Variants in TCF7L2 observed in about 807,000 individuals in gnomAD.
TCF7L2 encodes transcription factor 7 like 2.
TCF7L2 carries 23 observed loss-of-function variants against 77.9 expected under a neutral mutation model. The ratio of observed to expected loss-of-function variants is 0.30; its 90% confidence interval spans 0.21 to 0.42. TCF7L2 has a LOEUF of 0.42. Ranked by LOEUF, TCF7L2 falls within the 10% of genes least tolerant of loss-of-function variation. TCF7L2 has a pLI of 1.00. For missense variants in TCF7L2, 654 were observed against 793.1 expected (o/e 0.82, Z 2.11); for synonymous variants, 413 against 340.2 (o/e 1.21, Z -2.36).
At chr10:113,038,259 A>C (rs934754189) in intron 4 of TCF7L2, among the ~76,000 whole-genome samples, 1 of 152,164 alleles carries the variant, frequency 6.6e-6, no homozygotes, top group Non-Finnish European at 1.5e-5. Flanking sequence ...CAGATGAAAA[A>C]AACAGAGATC....
intron 3 of TCF7L2, among the ~76,000 whole-genome samples, chr10:112,958,522 C>T (rs987690465): frequency 2.0e-5 from 3 of 151,910 alleles, no homozygotes; most frequent in African/African-American, 7.3e-5. Context: ...AAGACCTCTC[C>T]CATCCCAACA....
chr10:112,955,990 C>A (rs373754328), intron 3 of TCF7L2, among the ~76,000 whole-genome samples: 5 of 152,130 alleles, frequency 3.3e-5, no homozygotes, highest in African/African-American at 1.2e-4. Flanking sequence ...GCCTAGATTT[C>A]TCGGTGGAGA....
chr10:113,080,743 G>GA (rs1385817385), intron 5 of TCF7L2, among the ~76,000 whole-genome samples: 1 of 152,150 alleles, frequency 6.6e-6, no homozygotes. Flanking sequence ...AAGCACCCGA[G>GA]AAGGTTTAAA....
Position 112,964,571 on chromosome 10 carries a change from G to A in TCF7L2, c.397G>A (p.Gly133Ser), listed in dbSNP as rs368705098. 41 of 1,613,102 alleles carry A rather than the reference G, an allele frequency of 2.5e-5. No individual in the cohort carries two copies. Among genetic ancestry groups the A allele is most frequent in the Non-Finnish European group, 3.3e-5 (39 of 1,179,404 alleles). The change falls in exon 4 of 14, where the codon GGC becomes AGC. Residue 133 changes from glycine to serine, a missense_variant. This residue lies in a region of TCF7L2 where 132 missense variants were observed against 123.7 expected (regional missense o/e 1.07). Transcript: ENST00000627217. ...CTTTCTACAGCTCCATTTTCAGTCC[G>A]GCAGCACACATTACTCTGCGTACAA...
chr10:113,158,625 A>G, intron 12 of TCF7L2, 42 bp from the exon 13 acceptor site: 2 of 1,610,494 alleles, frequency 1.2e-6, no homozygotes, highest in South Asian at 1.1e-5. Flanking sequence ...CAAACAAAAC[A>G]AAAATTTTGA....
intron 5 of TCF7L2, among the ~76,000 whole-genome samples, chr10:113,078,346 G>C (rs1196999981): frequency 6.6e-6 from 1 of 152,128 alleles, no homozygotes. Context: ...TGGTCCCCCT[G>C]AGACACTAAA....
intron 4 of TCF7L2, among the ~76,000 whole-genome samples, chr10:113,029,176 T>C (rs1355854538): frequency 1.3e-5 from 2 of 152,320 alleles, no homozygotes; most frequent in East Asian, 1.9e-4. Flanking sequence ...GAATGGACTC[T>C]AAGATTCAGG....
At chr10:113,090,712 C>T (rs181209286) in intron 5 of TCF7L2, among the ~76,000 whole-genome samples, 3 of 152,318 alleles carry the variant, frequency 2.0e-5, no homozygotes, top group Admixed American at 6.5e-5. Flanking sequence ...CGGTTTCAAG[C>T]GATTCGCCTG....
At chr10:113,031,385 T>A (rs1045463291) in intron 4 of TCF7L2, among the ~76,000 whole-genome samples, 1 of 152,078 alleles carries the variant, frequency 6.6e-6, no homozygotes, top group East Asian at 1.9e-4. Flanking sequence ...TACGTACAGA[T>A]CCTGGGCCAC....
intron 4 of TCF7L2, among the ~76,000 whole-genome samples, chr10:112,969,471 A>T (rs193267753): frequency 3.0e-4 from 45 of 152,312 alleles, no homozygotes; most frequent in Non-Finnish European, 8.8e-5. Context: ...TTTTGGGGAA[A>T]CATATATTTC....
At chr10:112,991,913 T>C (rs1348315043) in intron 4 of TCF7L2, among the ~76,000 whole-genome samples, 1 of 152,172 alleles carries the variant, frequency 6.6e-6, no homozygotes, top group African/African-American at 2.4e-5. Flanking sequence ...GAGGTGGCTG[T>C]TGGGGCCGGG....
chr10:112,951,097 C>A, intron 1 of TCF7L2, 110 bp from the exon 2 acceptor site: 2 of 1,310,272 alleles, frequency 1.5e-6, no homozygotes, highest in Non-Finnish European at 2.1e-6. Context: ...AACTTGTAAC[C>A]CTGTTTTTTT....
chr10:112,985,199 T>C (rs1226678504), intron 4 of TCF7L2, among the ~76,000 whole-genome samples: 1 of 152,206 alleles, frequency 6.6e-6, no homozygotes, highest in Non-Finnish European at 1.5e-5. Flanking sequence ...TTGGTTCCTT[T>C]CACTTCTAGG....
intron 5 of TCF7L2, among the ~76,000 whole-genome samples, chr10:113,060,813 C>T (rs1019465296): frequency 7.2e-5 from 11 of 152,128 alleles, no homozygotes; most frequent in Admixed American, 2.6e-4. Flanking sequence ...GAGAAGACGC[C>T]GCCCAGAATG....
At chr10:112,964,734 T>C (rs1219785318) in intron 4 of TCF7L2, 110 bp downstream of exon 4, 1 of 878,028 alleles carries the variant, frequency 1.1e-6, no homozygotes, top group African/African-American at 1.9e-5. Context: ...ATGATGATGA[T>C]GATGATGGTG....
chr10:113,104,339 G>A (rs1245944923), intron 5 of TCF7L2, among the ~76,000 whole-genome samples: 1 of 152,142 alleles, frequency 6.6e-6, no homozygotes, highest in Non-Finnish European at 1.5e-5. Flanking sequence ...TAAATTTATG[G>A]GTTGTTGGCA....
chr10:113,062,024 A>T (rs1442629927), intron 5 of TCF7L2, among the ~76,000 whole-genome samples: 1 of 152,186 alleles, frequency 6.6e-6, no homozygotes, highest in Non-Finnish European at 1.5e-5. Flanking sequence ...GGCGATTTTC[A>T]TTAAAGTTTT....
At chr10:113,036,855 GT>G (rs1454699446) in intron 4 of TCF7L2, among the ~76,000 whole-genome samples, 1 of 152,044 alleles carries the variant, frequency 6.6e-6, no homozygotes, top group Non-Finnish European at 1.5e-5. Flanking sequence ...GCCCACTGTT[GT>G]TTTTGTAGTG....
chr10:113,131,848 A>G (rs1204377829), intron 5 of TCF7L2, among the ~76,000 whole-genome samples: 1 of 152,216 alleles, frequency 6.6e-6, no homozygotes, highest in Non-Finnish European at 1.5e-5. Flanking sequence ...CAGATTACGT[A>G]GTTCTGCACA....
Sources: allele counts gnomAD v4.1 joint callset (sites outside exome capture counted in the v4.1 genomes callset), GRCh38; gene constraint gnomAD v4.1.1; regional missense constraint gnomAD v4.1.1; transcripts MANE v1.5; gene names NCBI Gene and HGNC (gene_info 2026-07-23, HGNC 2026-07-21).